BRCA1: variants seen among roughly 807,000 people sequenced by gnomAD.
BRCA1 encodes the protein BRCA1 DNA repair associated.
BRCA1 carries 140 observed loss-of-function variants against 173.7 expected under a neutral mutation model. The observed-to-expected ratio is 0.81, with a 90% CI of 0.70 to 0.93. The LOEUF (loss-of-function observed/expected upper bound fraction) is 0.93. Among genes scored for constraint, BRCA1 ranks in the 40% least tolerant of loss-of-function variants. The probability of loss-of-function intolerance (pLI) is 0.00; values close to 1 mark genes in which losing one functional copy is unlikely to be tolerated. For synonymous variants in BRCA1, 662 were observed against 756.0 expected, an observed-to-expected ratio of 0.88 and a Z score of 2.04; for missense variants, 1,983 against 2,172.5, an observed-to-expected ratio of 0.91 and a Z score of 1.73.
intron 4 of BRCA1, among the ~76,000 whole-genome samples, chr17:43,106,118 T>TAAAAAA (rs766678487): frequency 8.0e-6 from 1 of 124,488 alleles, no homozygotes. Context: ...GACCCTGTCT[T>TAAAAAA]AAAAAAAAAA....
upstream of BRCA1, among the ~76,000 whole-genome samples, chr17:43,126,917 CG>C (rs565097783): frequency 2.2e-3 from 335 of 152,214 alleles, 1 homozygote; most frequent in African/African-American, 7.7e-3. Flanking sequence ...GCGGGCTCAG[CG>C]GGCCCCGCAC....
intron 1 of BRCA1, among the ~76,000 whole-genome samples, chr17:43,133,637 CT>C (rs34083503): frequency 1.1e-3 from 147 of 138,578 alleles, no homozygotes; most frequent in Non-Finnish European, 1.3e-3. Flanking sequence ...TTTTCACTTC[CT>C]TTTTTTTTTT....
intron 7 of BRCA1, 127 bp downstream of exon 7, chr17:43,099,648 G>T: frequency 2.7e-6 from 2 of 743,462 alleles, no homozygotes; most frequent in Non-Finnish European, 4.8e-6. Flanking sequence ...TCACCATAGG[G>T]CTCATAAAAT....
chr17:43,074,277 A>G (rs1301488802), intron 14 of BRCA1, 54 bp downstream of exon 14: 2 of 1,594,186 alleles, frequency 1.3e-6, no homozygotes, highest in African/African-American at 1.3e-5. Flanking sequence ...ATCTTTATGT[A>G]GGATTCAGAG....
chr17:43,131,123 TTAG>T (rs1261929314), intron 1 of BRCA1: 1 of 188,342 alleles, frequency 5.3e-6, no homozygotes, highest in Admixed American at 5.6e-5. Flanking sequence ...TATAAAATAT[TTAG>T]TATGTAATGA....
chr17:43,116,093 A>G (rs2055283331), intron 2 of BRCA1, among the ~76,000 whole-genome samples: 1 of 152,176 alleles, frequency 6.6e-6, no homozygotes, highest in Non-Finnish European at 1.5e-5. Flanking sequence ...TTCCAGTGAT[A>G]TATTTTTCTG....
chr17:43,101,449 C>G (rs546931422), intron 6 of BRCA1, among the ~76,000 whole-genome samples: 6 of 152,230 alleles, frequency 3.9e-5, no homozygotes, highest in African/African-American at 1.4e-4. Flanking sequence ...CCCGCCTTGG[C>G]CTCCCAAAGT....
intron 6 of BRCA1, among the ~76,000 whole-genome samples, chr17:43,100,613 TATATAAC>T (rs1191832057): frequency 1.2e-4 from 10 of 82,604 alleles, no homozygotes; most frequent in Non-Finnish European, 1.9e-4. Flanking sequence ...ATATAACATA[TATATAAC>T]ATATATATAT....
chr17:43,116,487 T>C (rs2154566484), intron 2 of BRCA1, among the ~76,000 whole-genome samples: 1 of 152,150 alleles, frequency 6.6e-6, no homozygotes, highest in African/African-American at 2.4e-5. Flanking sequence ...CAGCACGGGG[T>C]TTACAGGCAT....
At chr17:43,126,027 T>A (rs1408656220), upstream of BRCA1, among the ~76,000 whole-genome samples, 1 of 152,258 alleles carries the variant, frequency 6.6e-6, no homozygotes, top group Admixed American at 6.5e-5. Context: ...AACTAGGCCT[T>A]AAAAAGATAC....
chr17:43,122,186 T>G (rs2055608630), intron 2 of BRCA1, among the ~76,000 whole-genome samples: 1 of 152,218 alleles, frequency 6.6e-6, no homozygotes, highest in Non-Finnish European at 1.5e-5. Flanking sequence ...ACTTCAAATA[T>G]GAAAAACAAC....
At chr17:43,050,153 C>A in intron 20 of BRCA1, 1 of 398,588 alleles carries the variant, frequency 2.5e-6, no homozygotes, top group Non-Finnish European at 4.4e-6. Context: ...AGTCCCTGGG[C>A]AGAAGCAGGC....
At chr17:43,145,200 A>G in intron 1 of BRCA1, 1 of 711,024 alleles carries the variant, frequency 1.4e-6, no homozygotes, top group South Asian at 1.4e-5. Context: ...GGGGAAACGA[A>G]AACTGAGGAG....
At chr17:43,148,288 C>CAAA (rs113187432) in intron 1 of BRCA1, 3 of 143,950 alleles carry the variant, frequency 2.1e-5, no homozygotes, top group Non-Finnish European at 2.9e-5. Context: ...AACTCCATCT[C>CAAA]AAAAAAAAAA....
At chr17:43,116,187 A>G (rs1386696671) in intron 2 of BRCA1, among the ~76,000 whole-genome samples, 1 of 134,942 alleles carries the variant, frequency 7.4e-6, no homozygotes, top group East Asian at 2.3e-4. Context: ...ATTCCTTCCT[A>G]GAACTTTTTT....
intron 21 of BRCA1, among the ~76,000 whole-genome samples, chr17:43,048,399 C>G (rs1219300381): frequency 6.6e-6 from 1 of 151,954 alleles, no homozygotes; most frequent in Non-Finnish European, 1.5e-5. Context: ...GACGGGGTTT[C>G]GCCATGTTGG....
intron 22 of BRCA1, among the ~76,000 whole-genome samples, 173 bp from the exon 23 acceptor site, chr17:43,045,975 T>A (rs1354710657): frequency 6.9e-6 from 1 of 145,552 alleles, no homozygotes; most frequent in African/African-American, 2.6e-5. Context: ...GAGGCTAGAG[T>A]GTGATGGCGC....
intron 3 of BRCA1, among the ~76,000 whole-genome samples, chr17:43,111,221 TA>T (rs2055020859): frequency 6.6e-6 from 1 of 152,048 alleles, no homozygotes; most frequent in Admixed American, 6.6e-5. Flanking sequence ...ATAGGCTTCA[TA>T]AAAGATTTCA....
intron 1 of BRCA1, among the ~76,000 whole-genome samples, chr17:43,139,340 C>A (rs1260949479): frequency 2.0e-5 from 3 of 151,432 alleles, no homozygotes; most frequent in Non-Finnish European, 2.9e-5. Context: ...GTCACCCAGG[C>A]ACTAGGCCTA....
Sources: allele counts gnomAD v4.1 joint callset (sites outside exome capture counted in the v4.1 genomes callset), GRCh38; gene constraint gnomAD v4.1.1; transcripts MANE v1.5; gene names NCBI Gene and HGNC (gene_info 2026-07-23, HGNC 2026-07-21).